The following PCDHGA8 variants were observed in gnomAD, a reference collection of about 807,000 sequenced individuals.
PCDHGA8 encodes the protein protocadherin gamma subfamily A, 8, also known as protocadherin gamma-A8.
PCDHGA8 carries 45 observed loss-of-function variants against 59.2 expected under a neutral mutation model. The ratio of observed to expected loss-of-function variants is 0.76; its 90% confidence interval spans 0.60 to 0.98. PCDHGA8 has a LOEUF of 0.98. PCDHGA8 is among the 50% of genes least tolerant of loss of function. PCDHGA8 has a pLI of 0.00. For synonymous variants in PCDHGA8, 531 were observed against 519.0 expected, an observed-to-expected ratio of 1.02 and a Z score of -0.32; for missense variants, 1,257 against 1,196.2, an observed-to-expected ratio of 1.05 and a Z score of -0.75.
chr5:141,419,240 G>T, intron 1 of PCDHGA8: 1 of 1,613,980 alleles, frequency 6.2e-7, no homozygotes. Flanking sequence ...CCTGGTCCAC[G>T]TGCCAGAAAA....
rs139867523 is a variant in PCDHGA8, at chr5:141,474,274, G to A, written c.2425-20533G>A. 1.2e-4 allele frequency among the ~76,000 whole-genome samples: 19 copies of A among 152,278 alleles called. No homozygotes were observed. In the East Asian group the frequency reaches 3.3e-3, roughly 26 times the overall value. On this transcript the variant is annotated intron_variant, in intron 1 of 3. Coordinates refer to ENST00000398604, the MANE Select transcript of PCDHGA8 (RefSeq NM_032088.2). ...AAGACTGATAAACCAGTGTATCTCT[G>A]AATAACCCACTAGATCAGTGCTTGT...
chr5:141,492,320 G>T (rs1001784912), intron 1 of PCDHGA8, among the ~76,000 whole-genome samples: 1 of 152,206 alleles, frequency 6.6e-6, no homozygotes, highest in Non-Finnish European at 1.5e-5. Context: ...CTCCTCGCAC[G>T]TGGGCTTACG....
Position 141,486,829 on chromosome 5 carries a change from T to A in PCDHGA8, c.2425-7978T>A. 1 of 1,614,178 alleles carries A rather than the reference T, an allele frequency of 6.2e-7. No individual in the cohort carries two copies. On this transcript the variant is annotated intron_variant, in intron 1 of 3. Coordinates refer to ENST00000398604, the MANE Select transcript of PCDHGA8 (RefSeq NM_032088.2). The surrounding 1 kb of genome is among the most constrained non-coding windows in gnomAD (Gnocchi z 5.0). ...CCCTTAGCAGCACTGTAACAGTTCG[T>A]CTATTTGTGCTGGACCTCAATGACA...
At chr5:141,422,705 C>A in intron 1 of PCDHGA8, 1 of 1,602,702 alleles carries the variant, frequency 6.2e-7, no homozygotes, top group East Asian at 2.2e-5. Flanking sequence ...TACTCTCTGA[C>A]GGATGACACT....
intron 1 of PCDHGA8, among the ~76,000 whole-genome samples, chr5:141,442,810 T>C (rs2098345227): frequency 6.6e-6 from 1 of 152,222 alleles, no homozygotes; most frequent in Non-Finnish European, 1.5e-5. Context: ...ATTCAAATTG[T>C]ACTGATCCAA....
At chr5:141,403,614 G>A (rs772617526) in intron 1 of PCDHGA8, 4 of 1,613,750 alleles carry the variant, frequency 2.5e-6, no homozygotes, top group Non-Finnish European at 3.4e-6. Flanking sequence ...GGCGAGCCGC[G>A]TCGCTCCAGC....
At chr5:141,414,557 A>G (rs749209012) in intron 1 of PCDHGA8, 21 of 1,613,786 alleles carry the variant, frequency 1.3e-5, no homozygotes, top group Non-Finnish European at 1.8e-5. Context: ...CAAGTCTCCT[A>G]CTTTACCTAT....
chr5:141,490,951 T>G lies in PCDHGA8; in HGVS notation c.2425-3856T>G, dbSNP rs778168052. On this transcript the variant is annotated intron_variant, in intron 1 of 3. Transcript: ENST00000398604. The surrounding 1 kb of genome is among the most constrained non-coding windows in gnomAD (Gnocchi z 5.4). ...AGCTGTGCTGCACCCACGGCCAGACTGGGAACACTCAGCCCCCCAGCGTCT... is the reference window on the plus strand; with the variant it reads ...AGCTGTGCTGCACCCACGGCCAGACGGGGAACACTCAGCCCCCCAGCGTCT... The G allele has an allele frequency of 6.2e-7, 1 of 1,613,638 alleles. No individual in the cohort carries two copies. The highest frequency in any genetic ancestry group is 1.3e-5 in the African/African-American group (1 of 74,900).
At chr5:141,413,867 T>TTG in intron 1 of PCDHGA8, 1 of 1,613,428 alleles carries the variant, frequency 6.2e-7, no homozygotes, top group Non-Finnish European at 8.5e-7. Flanking sequence ...GGCACTGTCC[T>TTG]TGTCAGTGTG....
Position 141,394,298 on chromosome 5 carries a change from G to A in PCDHGA8, c.1485G>A (p.Thr495=), listed in dbSNP as rs763864270. 6.2e-7 allele frequency: 1 copy of A among 1,613,840 alleles called. No homozygotes were observed. Among genetic ancestry groups the A allele is most frequent in the African/African-American group, 1.3e-5 (1 of 74,914 alleles). Residue 495 remains threonine (T), a synonymous_variant, in exon 1 of 4, where the codon ACG becomes ACA. Transcript: ENST00000398604. ...TCACTTACTCTGTGACCGAGGACAC[G>A]CTGCAGGGGGCGCCCCTGTCCTCGT... ...AQVTYSVTED[T]LQGAPLSSYI...
At chr5:141,399,066 G>C (rs770799351) in intron 1 of PCDHGA8, 5 of 1,613,726 alleles carry the variant, frequency 3.1e-6, no homozygotes, top group South Asian at 2.2e-5. Context: ...AATATTCAAT[G>C]GTTGTAGAAG....
At chr5:141,479,936 T>C (rs532302710) in intron 1 of PCDHGA8, among the ~76,000 whole-genome samples, 97 of 152,340 alleles carry the variant, frequency 6.4e-4, no homozygotes, top group African/African-American at 2.2e-3. Flanking sequence ...ATCATTGCTA[T>C]CAACTCTTGG....
Position 141,489,527 on chromosome 5 carries a change from G to A in PCDHGA8, c.2425-5280G>A. On this transcript the variant is annotated intron_variant, in intron 1 of 3. Coordinates refer to ENST00000398604, the MANE Select transcript of PCDHGA8 (RefSeq NM_032088.2). The surrounding 1 kb of genome is among the most constrained non-coding windows in gnomAD (Gnocchi z 4.5). The stretch of plus-strand genomic sequence containing the variant: ...CAAAAGATTGACCGAGAAAGCCTAT[G>A]TGGAGCCAGCACCAGCTGCCTGCTG... The A allele has an allele frequency of 1.9e-6, 3 of 1,614,152 alleles. No individual in the cohort carries two copies. Among genetic ancestry groups the A allele is most frequent in the East Asian group, 2.2e-5 (1 of 44,874 alleles).
intron 1 of PCDHGA8, chr5:141,403,373 A>C: frequency 6.2e-7 from 1 of 1,614,074 alleles, no homozygotes; most frequent in Non-Finnish European, 8.5e-7. Flanking sequence ...TCTGGAAGTA[A>C]AAATTAACGA....
chr5:141,419,481 C>T (rs2096389716), intron 1 of PCDHGA8: 1 of 1,612,422 alleles, frequency 6.2e-7, no homozygotes, highest in East Asian at 2.2e-5. Flanking sequence ...GGCTCGCCCG[C>T]GCTCAGCGCC....
Position 141,485,210 on chromosome 5 carries a change from C to T in PCDHGA8, c.2425-9597C>T, listed in dbSNP as rs2099609472. 1.2e-6 allele frequency: 2 copies of T among 1,614,058 alleles called. No individual in the cohort carries two copies. The highest frequency in any genetic ancestry group is 1.3e-5 in the African/African-American group (1 of 75,046). ...GGTGAGAAGCTGGACAGAAATCTGG[C>T]GGTGGGCTACCCTTTTGTTCCTCTT... On this transcript the variant is annotated intron_variant, in intron 1 of 3. Coordinates refer to ENST00000398604, the MANE Select transcript of PCDHGA8 (RefSeq NM_032088.2). The surrounding 1 kb of genome is among the most constrained non-coding windows in gnomAD (Gnocchi z 5.7).
chr5:141,491,332 C>T lies in PCDHGA8; in HGVS notation c.2425-3475C>T, dbSNP rs1013118722. 2 of 1,614,072 alleles carry T rather than the reference C, an allele frequency of 1.2e-6. No individual in the cohort carries two copies. The highest frequency in any genetic ancestry group is 2.7e-5 in the African/African-American group (2 of 74,944). On this transcript the variant is annotated intron_variant, in intron 1 of 3. Coordinates refer to ENST00000398604, the MANE Select transcript of PCDHGA8 (RefSeq NM_032088.2). This position sits in a 1 kb window ranked among gnomAD's most constrained non-coding sequence, Gnocchi z 6.9. ...CCTTACCCTTTACCTCATTGTGGCT[C>T]TAGCGACCGTCAGTCTCTTATCCCT...
At chr5:141,436,104 G>A (rs368559994) in intron 1 of PCDHGA8, among the ~76,000 whole-genome samples, 10 of 152,086 alleles carry the variant, frequency 6.6e-5, no homozygotes, top group East Asian at 3.9e-4. Flanking sequence ...AGAAATAGAG[G>A]ACAATGAAAC....
chr5:141,393,420 G>A lies in PCDHGA8; in HGVS notation c.607G>A (p.Glu203Lys), dbSNP rs2092755571. ...GGTGCTGGAGCGCGCCCTGGACAGG[G>A]AGGAAGAGGCTGCTCACCACCTGGT... ...ELVLERALDR[E>K]EEAAHHLVLT... The change falls in exon 1 of 4, where the codon GAG becomes AAG. Residue 203 changes from glutamate to lysine, a missense_variant. Coordinates refer to ENST00000398604, the MANE Select transcript of PCDHGA8 (RefSeq NM_032088.2). The A allele has an allele frequency of 1.2e-6, 2 of 1,614,050 alleles. No homozygotes were observed. The highest frequency in any genetic ancestry group is 1.7e-6 in the Non-Finnish European group (2 of 1,179,912).
Sources: allele counts gnomAD v4.1 joint callset (sites outside exome capture counted in the v4.1 genomes callset), GRCh38; gene constraint gnomAD v4.1.1; non-coding constraint Gnocchi (gnomAD v3.1); transcripts MANE v1.5; gene names NCBI Gene and HGNC (gene_info 2026-07-23, HGNC 2026-07-21).